Variants in PUS7L observed in about 807,000 individuals in gnomAD.
PUS7L encodes pseudouridine synthase 7 like.
A neutral mutation model predicts 51.1 loss-of-function variants in PUS7L; 49 were observed. The observed-to-expected ratio is 0.96, with a 90% CI of 0.76 to 1.22. The LOEUF is 1.22. Ranked by LOEUF, PUS7L falls within the 50% of genes most tolerant of loss-of-function variation. The probability of loss-of-function intolerance (pLI) is 0.00; values close to 1 mark genes in which losing one functional copy is unlikely to be tolerated. For missense variants in PUS7L, 828 were observed against 820.6 expected (o/e 1.01, Z -0.11); for synonymous variants, 277 against 276.2 (o/e 1.00, Z -0.03).
chr12:43,734,270 T>C (rs1944630649), intron 7 of PUS7L, among the ~76,000 whole-genome samples: 1 of 151,776 alleles, frequency 6.6e-6, no homozygotes, highest in African/African-American at 2.4e-5. Flanking sequence ...AAGTCTAGAG[T>C]GGTGAGAAAT....
In PUS7L at chr12:43,729,046, T is replaced by C. The variant is rs1380311618; in HGVS notation, c.*1330A>G. ...TCAGAGTATTATTGCAGTTGTAACA[T>C]ATGTGTTCTACTTTTAGGGGGCAAC... On this transcript the variant is annotated 3_prime_UTR_variant, in exon 9 of 9. Coordinates refer to ENST00000344862, the MANE Select transcript of PUS7L (RefSeq NM_031292.5). The C allele has an allele frequency of 1.3e-5, 5 of 385,578 alleles. No individual in the cohort carries two copies. The highest frequency in any genetic ancestry group is 9.2e-6 in the Non-Finnish European group (2 of 217,646). The allele number at this position is 385,578 out of a possible 1,614,324, so 23.9% of individuals were successfully genotyped here.
chr12:43,733,534 C>T (rs1944609990), intron 7 of PUS7L, among the ~76,000 whole-genome samples: 1 of 152,102 alleles, frequency 6.6e-6, no homozygotes, highest in Admixed American at 6.5e-5. Context: ...AGCTAAAATT[C>T]CAATCACAAA....
At chr12:43,753,428 C>A (rs77223520) in intron 2 of PUS7L, among the ~76,000 whole-genome samples, 2,355 of 152,246 alleles carry the variant, frequency 0.015, 61 homozygotes, top group African/African-American at 0.053. Context: ...TCAAATCAAA[C>A]CCACATAGTT....
chr12:43,756,505 T>C (rs2137772798), intron 1 of PUS7L, among the ~76,000 whole-genome samples: 1 of 152,350 alleles, frequency 6.6e-6, no homozygotes, highest in South Asian at 2.1e-4. Context: ...GCTGTCATCC[T>C]CTCTCGGATC....
chr12:43,735,301 A>G (rs933628363), intron 7 of PUS7L, among the ~76,000 whole-genome samples: 2 of 152,016 alleles, frequency 1.3e-5, no homozygotes, highest in Non-Finnish European at 2.9e-5. Flanking sequence ...TGGGCGACAG[A>G]GCGAGACTCT....
Position 43,719,344 on chromosome 12 carries a change from C to T in PUS7L, c.*11032G>A, listed in dbSNP as rs74082229. ...ATGAATACATGGGTGGTAAAGCTAT[C>T]AAGAAAAGTAAGAAAAGTATTATAA... is the stretch of plus-strand genomic sequence containing the variant. On this transcript the variant is annotated 3_prime_UTR_variant, in exon 9 of 9. Transcript: ENST00000344862. The T allele has an allele frequency of 6.6e-6, 1 of 152,092 alleles. No homozygotes were observed. The highest frequency in any genetic ancestry group is 2.1e-4 in the South Asian group (1 of 4,810). 9.4% of individuals were successfully genotyped at this position (152,092 alleles called of 1,614,324 possible). A position where few individuals can be genotyped will look rare whatever the true frequency, so the allele number is the denominator to read the frequency against.
chr12:43,758,673 A>C (rs143661470), intron 1 of PUS7L, 57 bp downstream of exon 1: 13,825 of 331,382 alleles, frequency 0.042, 203 homozygotes, highest in East Asian at 0.093. Context: ...CCCCACACAC[A>C]CACACACACA....
At chr12:43,752,434 G>T (rs1397485122) in intron 2 of PUS7L, among the ~76,000 whole-genome samples, 1 of 152,138 alleles carries the variant, frequency 6.6e-6, no homozygotes, top group Non-Finnish European at 1.5e-5. Flanking sequence ...AAGTTCCAAG[G>T]CTGAATGCTT....
At chr12:43,746,762 A>G (rs1399383850) in intron 3 of PUS7L, among the ~76,000 whole-genome samples, 1 of 152,206 alleles carries the variant, frequency 6.6e-6, no homozygotes, top group Non-Finnish European at 1.5e-5. Context: ...CTTTATAGCC[A>G]TATTTTCCAC....
Position 43,729,373 on chromosome 12 carries a change from T to A in PUS7L, c.*1003A>T, listed in dbSNP as rs1038019383. 2 of 387,932 alleles carry A rather than the reference T, an allele frequency of 5.2e-6. No homozygotes were observed. The highest frequency in any genetic ancestry group is 4.1e-5 in the African/African-American group (2 of 48,430). The allele number at this position is 387,932 out of a possible 1,614,324, so 24.0% of individuals were successfully genotyped here. A position where few individuals can be genotyped will look rare whatever the true frequency, so the allele number is the denominator to read the frequency against. On this transcript the variant is annotated 3_prime_UTR_variant, in exon 9 of 9. Coordinates refer to ENST00000344862, the MANE Select transcript of PUS7L (RefSeq NM_031292.5). Reference sequence around the variant, plus strand: ...TACTGCTTTTTAAATTTCATCATTATATCTTACCAACAATGAAAGAAATGC... The same window carrying A: ...TACTGCTTTTTAAATTTCATCATTAAATCTTACCAACAATGAAAGAAATGC...
rs578175147 is a variant in PUS7L, at chr12:43,743,938, A to T, written c.1264-1383T>A. On this transcript the variant is annotated intron_variant, in intron 4 of 8. Transcript: ENST00000344862. ...ATATAACAAAAGGTTTATAACAGAG[A>T]TATAACCCCTTGAAACAAAACTTCA... Among the ~76,000 whole-genome samples, 4 of 152,314 alleles carry T rather than the reference A, an allele frequency of 2.6e-5. 1 individual carries two copies. The East Asian group carries it at 7.7e-4, about 29-fold the overall frequency.
chr12:43,742,410 G>T, intron 5 of PUS7L, 47 bp downstream of exon 5: 1 of 1,331,764 alleles, frequency 7.5e-7, no homozygotes, highest in Non-Finnish European at 1.1e-6. Context: ...TATGTAGTAA[G>T]TATAATTGAC....
In PUS7L at chr12:43,754,682, A is replaced by G; in HGVS notation, c.564T>C (p.Thr188=). The change falls in exon 2 of 9, where the codon ACT becomes ACC. Residue 188 remains threonine (T), a synonymous_variant. Transcript: ENST00000344862. Reference sequence around the variant, plus strand: ...CAACAATTTCACTGTTTTTTCCTACAGTTACTAAAAATGGAAATTTCTGCC... The same window carrying G: ...CAACAATTTCACTGTTTTTTCCTACGGTTACTAAAAATGGAAATTTCTGCC... ...AIRQKFPFLV[T]VGKNSEIVVK... is the part of the protein sequence containing the mutation. 6.2e-7 allele frequency: 1 copy of G among 1,613,784 alleles called. No homozygotes were observed. The highest frequency in any genetic ancestry group is 8.5e-7 in the Non-Finnish European group (1 of 1,179,786).
chr12:43,751,983 G>T (rs557281040), intron 2 of PUS7L, among the ~76,000 whole-genome samples: 43 of 152,270 alleles, frequency 2.8e-4, no homozygotes, highest in African/African-American at 1.0e-3. Flanking sequence ...TGTGTCTGTT[G>T]GCTGCATAAA....
Position 43,730,464 on chromosome 12 carries a change from G to GT in PUS7L, c.2017dup (p.Thr673AsnfsTer10). 1 of 1,613,792 alleles carries GT rather than the reference G, an allele frequency of 6.2e-7. No homozygotes were observed. On this transcript the variant is annotated frameshift_variant, in exon 9 of 9. Transcript: ENST00000344862. LOFTEE classifies it high-confidence loss of function. Reference sequence around the variant, plus strand: ...AAAAGAGATCAAAAGAGACAAAGCTGTTTCATCAATGTGGGAACCTTTCGT... The same window carrying GT: ...AAAAGAGATCAAAAGAGACAAAGCTGTTTTCATCAATGTGGGAACCTTTCGT...
chr12:43,741,074 C>T (rs543721811), intron 5 of PUS7L: 5 of 152,094 alleles, frequency 3.3e-5, no homozygotes, highest in Admixed American at 2.0e-4. Flanking sequence ...TCAACCACCA[C>T]GTTTTGGGGT....
At position 43,727,887 on chromosome 12, in the gene PUS7L, T is replaced by C. The variant is rs1318535746; in HGVS notation, c.*2489A>G. The C allele has an allele frequency of 3.3e-5, 5 of 152,172 alleles. No individual in the cohort carries two copies. The highest frequency in any genetic ancestry group is 1.9e-4 in the East Asian group (1 of 5,196). The allele number at this position is 152,172 out of a possible 1,614,324, so 9.4% of individuals were successfully genotyped here. A position where few individuals can be genotyped will look rare whatever the true frequency, so the allele number is the denominator to read the frequency against. ...AAGCAAAACTTTGGAAATGGGGCTATAGAAGGTCAGCAAAGGGTAGGTTTG... is the reference window on the plus strand; with the variant it reads ...AAGCAAAACTTTGGAAATGGGGCTACAGAAGGTCAGCAAAGGGTAGGTTTG... On this transcript the variant is annotated 3_prime_UTR_variant, in exon 9 of 9. Transcript: ENST00000344862.
rs1944474034 is a variant in PUS7L, at chr12:43,727,753, A to C, written c.*2623T>G. On this transcript the variant is annotated 3_prime_UTR_variant, in exon 9 of 9. Transcript: ENST00000344862. ...AGGTACTATGCTCATTATCTGGGTG[A>C]TTAAATAATTTGTATGCAGAACTCC... is the stretch of plus-strand genomic sequence containing the variant. 2 of 152,196 alleles carry C rather than the reference A, an allele frequency of 1.3e-5. No homozygotes were observed. The highest frequency in any genetic ancestry group is 4.1e-4 in the South Asian group (2 of 4,828). 9.4% of individuals were successfully genotyped at this position (152,196 alleles called of 1,614,324 possible). A position where few individuals can be genotyped will look rare whatever the true frequency, so the allele number is the denominator to read the frequency against.
intron 7 of PUS7L, among the ~76,000 whole-genome samples, chr12:43,735,048 G>A (rs1331347769): frequency 6.6e-6 from 1 of 152,184 alleles, no homozygotes; most frequent in Non-Finnish European, 1.5e-5. Flanking sequence ...GGGTGCGGAG[G>A]CTCACGCCTG....
Sources: allele counts gnomAD v4.1 joint callset (sites outside exome capture counted in the v4.1 genomes callset), GRCh38; gene constraint gnomAD v4.1.1; transcripts MANE v1.5; gene names NCBI Gene and HGNC (gene_info 2026-07-23, HGNC 2026-07-21).